NTM: variants seen among roughly 807,000 people sequenced by gnomAD.
NTM encodes the protein neurotrimin, also known as IgLON family member 2.
NTM carries 13 observed loss-of-function variants against 42.1 expected under a neutral mutation model. The observed-to-expected ratio is 0.31, with a 90% confidence interval of 0.20 to 0.49. The LOEUF (loss-of-function observed/expected upper bound fraction) is 0.49. Among genes scored for constraint, NTM ranks in the 20% least tolerant of loss-of-function variants. The pLI, the probability that NTM is intolerant of heterozygous loss-of-function variation, is 0.99. For synonymous variants in NTM, 187 were observed against 179.2 expected, an observed-to-expected ratio of 1.04 and a Z score of -0.35; for missense variants, 373 against 452.8, an observed-to-expected ratio of 0.82 and a Z score of 1.60.
At chr11:131,888,904 C>CT (rs905985710) in intron 1 of NTM, among the ~76,000 whole-genome samples, 20 of 147,276 alleles carry the variant, frequency 1.4e-4, no homozygotes, top group Middle Eastern at 3.5e-3. Flanking sequence ...CTTTATTCCT[C>CT]TTTATTTTTT....
intron 1 of NTM, among the ~76,000 whole-genome samples, chr11:131,466,003 A>G (rs964674006): frequency 6.6e-6 from 1 of 152,198 alleles, no homozygotes; most frequent in African/African-American, 2.4e-5. Context: ...ACTCTGCAGG[A>G]GTGTCAGGCA....
chr11:131,552,433 G>A (rs1038021512), intron 1 of NTM, among the ~76,000 whole-genome samples: 3 of 151,378 alleles, frequency 2.0e-5, no homozygotes, highest in African/African-American at 7.3e-5. Context: ...AATGTTTCTG[G>A]TAACCTTGTT....
At chr11:131,878,306 G>C (rs1426905733) in intron 1 of NTM, among the ~76,000 whole-genome samples, 1 of 151,776 alleles carries the variant, frequency 6.6e-6, no homozygotes, top group Non-Finnish European at 1.5e-5. Context: ...CATGGTGGCT[G>C]GCGCCTGTAA....
intron 1 of NTM, among the ~76,000 whole-genome samples, chr11:131,829,802 G>A (rs1456820574): frequency 6.6e-6 from 1 of 152,108 alleles, no homozygotes; most frequent in Non-Finnish European, 1.5e-5. Context: ...TCATCATAGT[G>A]TATAAGCATT....
intron 4 of NTM, among the ~76,000 whole-genome samples, chr11:132,252,933 A>G (rs2092114945): frequency 1.3e-5 from 2 of 152,230 alleles, no homozygotes; most frequent in Admixed American, 6.5e-5. Flanking sequence ...CCCTTGATCT[A>G]ACGAACCCAG....
intron 1 of NTM, among the ~76,000 whole-genome samples, chr11:131,507,889 AT>A (rs1158050001): frequency 6.6e-6 from 1 of 152,034 alleles, no homozygotes; most frequent in Non-Finnish European, 1.5e-5. Context: ...AATGCTTGTG[AT>A]TTTTGTACAT....
chr11:131,789,763 T>C lies in NTM; in HGVS notation c.83-121801T>C, dbSNP rs896548501. On this transcript the variant is annotated intron_variant, in intron 1 of 8. Coordinates refer to ENST00000683400, the MANE Select transcript of NTM (RefSeq NM_001352005.2). Reference sequence around the variant, plus strand: ...CGAGGTCAGGAGATCAAGACCATCCTGGCTAACACGGTGAAACCCCGTCTC... The same window carrying C: ...CGAGGTCAGGAGATCAAGACCATCCCGGCTAACACGGTGAAACCCCGTCTC... 2.2e-4 allele frequency among the ~76,000 whole-genome samples: 33 copies of C among 149,598 alleles called. 1 individual carries two copies. Among genetic ancestry groups the C allele is most frequent in the Middle Eastern group, 3.5e-3 (1 of 288 alleles).
intron 4 of NTM, among the ~76,000 whole-genome samples, chr11:132,287,055 A>C (rs1286630136): frequency 6.6e-6 from 1 of 152,140 alleles, no homozygotes; most frequent in Admixed American, 6.5e-5. Context: ...ATTCTTCAAA[A>C]TATTTTCTAG....
At chr11:131,772,234 G>C (rs574144761) in intron 1 of NTM, among the ~76,000 whole-genome samples, 2 of 152,274 alleles carry the variant, frequency 1.3e-5, no homozygotes, top group East Asian at 3.9e-4. Flanking sequence ...CACGTTCATT[G>C]TTATAGAGTA....
chr11:131,841,090 T>G (rs1252044616), intron 1 of NTM, among the ~76,000 whole-genome samples: 1 of 152,198 alleles, frequency 6.6e-6, no homozygotes, highest in Non-Finnish European at 1.5e-5. Flanking sequence ...TTTAAGACAT[T>G]TTATAGGTCA....
At chr11:131,592,818 C>T (rs1370238150) in intron 1 of NTM, among the ~76,000 whole-genome samples, 1 of 152,166 alleles carries the variant, frequency 6.6e-6, no homozygotes, top group Non-Finnish European at 1.5e-5. Context: ...CCCAGGTCCC[C>T]TCTCCCTGGC....
intron 1 of NTM, among the ~76,000 whole-genome samples, chr11:131,477,525 T>A (rs1362089602): frequency 6.6e-6 from 1 of 151,974 alleles, no homozygotes; most frequent in Admixed American, 6.6e-5. Context: ...GGGTTCATTG[T>A]GATTCCAGGA....
chr11:132,268,897 G>C (rs758257218), intron 4 of NTM, among the ~76,000 whole-genome samples: 1 of 152,108 alleles, frequency 6.6e-6, no homozygotes, highest in African/African-American at 2.4e-5. Context: ...GAGAATGCCA[G>C]CTTGTTCCTG....
chr11:131,673,721 C>A (rs1475237074), intron 1 of NTM, among the ~76,000 whole-genome samples: 1 of 152,310 alleles, frequency 6.6e-6, no homozygotes, highest in South Asian at 2.1e-4. Flanking sequence ...CAGGTGACAC[C>A]TGAGACCCTC....
intron 1 of NTM, among the ~76,000 whole-genome samples, chr11:131,755,913 A>G (rs2135747450): frequency 6.6e-6 from 1 of 152,378 alleles, no homozygotes; most frequent in Non-Finnish European, 1.5e-5. Flanking sequence ...CAATAGAAGC[A>G]TTAGCTTCCT....
intron 1 of NTM, chr11:131,538,344 T>C (rs1297891445): frequency 6.6e-6 from 1 of 152,136 alleles, no homozygotes; most frequent in African/African-American, 2.4e-5. Flanking sequence ...CATACCTAGT[T>C]AGTGGCAGCC....
At chr11:131,780,149 T>C (rs911673762) in intron 1 of NTM, among the ~76,000 whole-genome samples, 3 of 152,190 alleles carry the variant, frequency 2.0e-5, no homozygotes, top group African/African-American at 7.2e-5. Context: ...AAATCCATCT[T>C]TTAGAAATAG....
chr11:131,687,837 A>T lies in NTM; in HGVS notation c.83-223727A>T, dbSNP rs919819988. ...CCTGGCCTCTGCTGTAGATCTTTGG[A>T]TGGTTTCCACCCCGCTCCCACCCCA... On this transcript the variant is annotated intron_variant, in intron 1 of 8. Coordinates refer to ENST00000683400, the MANE Select transcript of NTM (RefSeq NM_001352005.2). Among the ~76,000 whole-genome samples, 6 of 151,958 alleles carry T rather than the reference A, an allele frequency of 3.9e-5. No individual in the cohort carries two copies. In the South Asian group the frequency reaches 1.2e-3, roughly 32 times the overall value.
rs75397167 is a variant in NTM, at chr11:131,770,377, C to G, written c.83-141187C>G. ...GCTTAGAGAGCTGGAGTCATCAGCACAGTTGACTTTGTCTCTTCCTTCTAT... is the reference window on the plus strand; with the variant it reads ...GCTTAGAGAGCTGGAGTCATCAGCAGAGTTGACTTTGTCTCTTCCTTCTAT... On this transcript the variant is annotated intron_variant, in intron 1 of 8. Transcript: ENST00000683400. 6.5e-3 allele frequency among the ~76,000 whole-genome samples: 989 copies of G among 152,310 alleles called. 9 individuals carry two copies. The highest frequency in any genetic ancestry group is 0.022 in the African/African-American group (915 of 41,572).
Sources: allele counts gnomAD v4.1 joint callset (sites outside exome capture counted in the v4.1 genomes callset), GRCh38; gene constraint gnomAD v4.1.1; transcripts MANE v1.5; gene names NCBI Gene and HGNC (gene_info 2026-07-23, HGNC 2026-07-21).